Variants in TRPV1 observed in about 807,000 individuals in gnomAD.
The protein encoded by TRPV1 is OTRPC1.
A neutral mutation model predicts 82.3 loss-of-function variants in TRPV1; 82 were observed. The observed-to-expected ratio is 1.00, with a 90% CI of 0.83 to 1.20. The LOEUF (loss-of-function observed/expected upper bound fraction) is 1.20. Among genes scored for constraint, TRPV1 ranks in the 50% most tolerant of loss-of-function variants. The probability of loss-of-function intolerance (pLI) is 0.00; values close to 1 mark genes in which losing one functional copy is unlikely to be tolerated. For synonymous variants in TRPV1, 515 were observed against 467.7 expected (o/e 1.10, Z -1.30); for missense variants, 1,067 against 1,096.8 (o/e 0.97, Z 0.38).
chr17:3,566,938 C>A lies in TRPV1; in HGVS notation c.2397G>T (p.Glu799Asp). The change falls in exon 17 of 17, where the codon GAG (glutamate) becomes GAT (aspartate). Residue 799 changes from glutamate (E) to aspartate (D), a missense_variant. Coordinates refer to ENST00000572705, the MANE Select transcript of TRPV1 (RefSeq NM_080704.4). ...CAGACTGCCTATCTCGAGCACTTGC[C>A]TCTCTTAAAAGGGGGACCAGGGCAA... The part of the protein sequence containing the change: ...KNFALVPLLR[E>D]ASARDRQSAQ... 1 of 1,614,002 alleles carries A rather than the reference C, an allele frequency of 6.2e-7. No individual in the cohort carries two copies. Among genetic ancestry groups the A allele is most frequent in the Non-Finnish European group, 8.5e-7 (1 of 1,179,888 alleles).
intron 2 of TRPV1, among the ~76,000 whole-genome samples, chr17:3,599,441 C>G (rs1007818934): frequency 6.6e-6 from 1 of 152,054 alleles, no homozygotes; most frequent in East Asian, 1.9e-4. Context: ...CTCCCCTTCC[C>G]GACCCCAACC....
chr17:3,573,532 GCCCCCACCACCCACCCAC>G, intron 14 of TRPV1, 83 bp downstream of exon 14: 1 of 257,076 alleles, frequency 3.9e-6, no homozygotes, highest in East Asian at 1.2e-4. Flanking sequence ...GCCACACACC[GCCCCCACCACCCACCCAC>G]CTGCAGCCAG....
chr17:3,571,840 A>T (rs1032070986), intron 15 of TRPV1, among the ~76,000 whole-genome samples: 1 of 152,124 alleles, frequency 6.6e-6, no homozygotes, highest in East Asian at 1.9e-4. Flanking sequence ...GGGGGACTTC[A>T]CATATTGGAT....
At chr17:3,596,405 C>T (rs982621737) in intron 2 of TRPV1, among the ~76,000 whole-genome samples, 1 of 152,218 alleles carries the variant, frequency 6.6e-6, no homozygotes, top group Non-Finnish European at 1.5e-5. Flanking sequence ...CCAGATTATT[C>T]TCAGTAGTCC....
In TRPV1 at chr17:3,590,812, G is replaced by A. The variant is rs912540566; in HGVS notation, c.604+152C>T. Among the ~76,000 whole-genome samples the A allele has an allele frequency of 2.7e-4, 41 of 152,180 alleles. 1 individual carries two copies. Among genetic ancestry groups the A allele is most frequent in the Middle Eastern group, 6.8e-3 (2 of 292 alleles). On this transcript the variant is annotated intron_variant, in intron 5 of 16. Transcript: ENST00000572705. ...AGAAATCAAGCCAGCAGATGGGAGA[G>A]GCAGGGACCCCCTAGGATTAGGAGC...
Position 3,585,811 on chromosome 17 carries a change from A to T in TRPV1, c.1340T>A (p.Ile447Asn), listed in dbSNP as rs987815590. Residue 447 changes from isoleucine (I) to asparagine (N), a missense_variant, in exon 9 of 17, where the codon ATC (isoleucine) becomes AAC (asparagine). Transcript: ENST00000572705. Reference sequence around the variant, plus strand: ...GTAGTAGGCAGCCATGGTGAAGATGATCATGTACAGGCAGTAGACCAGGAA... The same window carrying T: ...GTAGTAGGCAGCCATGGTGAAGATGTTCATGTACAGGCAGTAGACCAGGAA... ...FNFLVYCLYM[I>N]IFTMAAYYRP... 2.5e-6 allele frequency: 4 copies of T among 1,613,768 alleles called. No individual in the cohort carries two copies. The highest frequency in any genetic ancestry group is 3.4e-6 in the Non-Finnish European group (4 of 1,179,824).
chr17:3,577,447 C>T lies in TRPV1; in HGVS notation c.1713+151G>A, dbSNP rs1037602271. Reference sequence around the variant, plus strand: ...CCCCTACACATACCTGGGTCAGGGCCAGATTGCTTGATTCTTGGAAAATAG... The same window carrying T: ...CCCCTACACATACCTGGGTCAGGGCTAGATTGCTTGATTCTTGGAAAATAG... On this transcript the variant is annotated intron_variant, in intron 12 of 16. Transcript: ENST00000572705. 1.2e-5 allele frequency: 13 copies of T among 1,095,764 alleles called. No individual in the cohort carries two copies. In the African/African-American group the frequency reaches 1.9e-4, roughly 16 times the overall value. 67.9% of individuals were successfully genotyped at this position (1,095,764 alleles called of 1,614,324 possible). A position where few individuals can be genotyped will look rare whatever the true frequency, so the allele number is the denominator to read the frequency against.
intron 11 of TRPV1, 153 bp from the exon 12 acceptor site, chr17:3,577,916 T>A: frequency 1.5e-6 from 1 of 673,026 alleles, no homozygotes; most frequent in South Asian, 2.0e-5. Flanking sequence ...CCAGGCGTTC[T>A]CCGTGGAAGC....
At chr17:3,589,719 G>A (rs576878403) in intron 7 of TRPV1, 88 bp downstream of exon 7, 19 of 1,456,614 alleles carry the variant, frequency 1.3e-5, no homozygotes, top group East Asian at 4.6e-5. Flanking sequence ...CACAGATAGC[G>A]ACGCCAGGCT....
Position 3,588,316 on chromosome 17 carries a change from G to T in TRPV1, c.1096C>A (p.Leu366Met). The T allele has an allele frequency of 6.4e-7, 1 of 1,569,966 alleles. No individual in the cohort carries two copies. Among genetic ancestry groups the T allele is most frequent in the South Asian group, 1.2e-5 (1 of 85,096 alleles). The part of the protein sequence containing the change: ...REIQEPECRH[L>M]SRKFTEWAYG... The stretch of plus-strand genomic sequence containing the variant: ...GCCCACTCGGTGAACTTCCTGGACA[G>T]GTGCCTGCACTCGGGCTCCTGGATC... The change falls in exon 8 of 17, where the codon CTG becomes ATG. Residue 366 changes from leucine to methionine, a missense_variant. Transcript: ENST00000572705.
chr17:3,579,951 G>T (rs1021593626), intron 11 of TRPV1, among the ~76,000 whole-genome samples: 1 of 99,318 alleles, frequency 1.0e-5, no homozygotes, highest in Admixed American at 1.1e-4. Flanking sequence ...GCGACTGGGG[G>T]ATGGGGAAGC....
At chr17:3,606,468 G>C (rs889616551) in intron 2 of TRPV1, among the ~76,000 whole-genome samples, 1 of 152,210 alleles carries the variant, frequency 6.6e-6, no homozygotes, top group Admixed American at 6.5e-5. Context: ...CCCTGTGCAC[G>C]TCCCACTGGC....
intron 10 of TRPV1, 22 bp downstream of exon 10, chr17:3,583,315 AC>A: frequency 6.3e-7 from 1 of 1,583,634 alleles, no homozygotes; most frequent in Non-Finnish European, 8.6e-7. Flanking sequence ...ATGGAAACTC[AC>A]AATGTGGGAA....
chr17:3,577,132 A>G lies in TRPV1; in HGVS notation c.1774T>C (p.Ser592Pro). 6.3e-7 allele frequency: 1 copy of G among 1,585,258 alleles called. No homozygotes were observed. The highest frequency in any genetic ancestry group is 8.6e-7 in the Non-Finnish European group (1 of 1,166,104). ...CGCTGACCAAGCTCATTACCTGTGG[A>G]AAACCCGAACAAGAAGACGATGTAG... ...FVYIVFLFGF[S>P]TAVVTLIEDG... Residue 592 changes from serine to proline, a missense_variant, in exon 13 of 17, where the codon TCC becomes CCC. Transcript: ENST00000572705.
intron 7 of TRPV1, chr17:3,588,846 T>G: frequency 7.5e-7 from 1 of 1,324,954 alleles, no homozygotes; most frequent in Non-Finnish European, 1.0e-6. Flanking sequence ...CACACAAACG[T>G]CAACCAGCCA....
Position 3,566,684 on chromosome 17 carries a change from A to G in TRPV1, c.*131T>C, listed in dbSNP as rs1437826451. 3 of 1,151,876 alleles carry G rather than the reference A, an allele frequency of 2.6e-6. No homozygotes were observed. The highest frequency in any genetic ancestry group is 2.4e-6 in the Non-Finnish European group (2 of 829,442). The allele number at this position is 1,151,876 out of a possible 1,614,324, so 71.4% of individuals were successfully genotyped here. ...GCTTCCCACAGCTTGTCCAGCACAGATTTGGGAACATGCTGGGCAGGCACA... is the reference window on the plus strand; with the variant it reads ...GCTTCCCACAGCTTGTCCAGCACAGGTTTGGGAACATGCTGGGCAGGCACA... On this transcript the variant is annotated 3_prime_UTR_variant, in exon 17 of 17. Transcript: ENST00000572705.
rs67252978 is a variant in TRPV1 at position 3,594,155 on chromosome 17, AGC to A, written c.-33-1774_-33-1773del. On this transcript the variant is annotated intron_variant, in intron 2 of 16. Coordinates refer to ENST00000572705, the MANE Select transcript of TRPV1 (RefSeq NM_080704.4). ...AAAAAAAAAAAAAAAAAAAAAAAGA[AGC>A]AGCAGCAGCAGCAGCAGCAGCAGCT... Among the ~76,000 whole-genome samples, 264 of 76,386 alleles carry A rather than the reference AGC, an allele frequency of 3.5e-3. 20 individuals carry two copies. Among genetic ancestry groups the A allele is most frequent in the African/African-American group, 0.02 (227 of 11,326 alleles). The allele number at this position is 76,386 out of a possible 152,430, so 50.1% of individuals were successfully genotyped here.
chr17:3,598,178 T>C (rs140288874), intron 2 of TRPV1, among the ~76,000 whole-genome samples: 14 of 152,254 alleles, frequency 9.2e-5, no homozygotes, highest in African/African-American at 2.9e-4. Flanking sequence ...AAAACCATCC[T>C]AGCAGCTGCC....
intron 10 of TRPV1, 42 bp downstream of exon 10, chr17:3,583,296 T>G: frequency 1.3e-6 from 2 of 1,532,738 alleles, no homozygotes; most frequent in Non-Finnish European, 1.8e-6. Flanking sequence ...GCTTTTTGTT[T>G]TGGTGATAAT....
Sources: gnomAD v4.1 joint callset for allele counts (sites outside exome capture counted in the v4.1 genomes callset) on GRCh38, gnomAD v4.1.1 for gene constraint, MANE v1.5 for transcripts, NCBI Gene and HGNC (gene_info 2026-07-23, HGNC 2026-07-21) for gene names.